The following SPATA22 variants were observed in gnomAD, a reference collection of about 807,000 sequenced individuals.
SPATA22 encodes the protein spermatogenesis associated 22, also known as spermatogenesis-associated protein 22.
SPATA22 carries 29 observed loss-of-function variants against 47.8 expected under a neutral mutation model. That is an observed-to-expected ratio of 0.61 (90% CI 0.45 to 0.83). The LOEUF is 0.83. Ranked by LOEUF, SPATA22 falls within the 40% of genes least tolerant of loss-of-function variation. The probability of loss-of-function intolerance (pLI) is 0.00; values close to 1 mark genes in which losing one functional copy is unlikely to be tolerated. For synonymous variants in SPATA22, 133 were observed against 140.9 expected (o/e 0.94, Z 0.40); for missense variants, 410 against 421.7 (o/e 0.97, Z 0.24).
At chr17:3,459,505 C>T (rs1447913715) in intron 5 of SPATA22, among the ~76,000 whole-genome samples, 1 of 152,112 alleles carries the variant, frequency 6.6e-6, no homozygotes, top group Non-Finnish European at 1.5e-5. Context: ...TCCCAGGTTC[C>T]AATGATTCTA....
At chr17:3,461,009 A>T (rs2171582) in intron 5 of SPATA22, among the ~76,000 whole-genome samples, 1 of 151,804 alleles carries the variant, frequency 6.6e-6, no homozygotes, top group Non-Finnish European at 1.5e-5. Context: ...TTGATAATGT[A>T]TCTAATAACA....
At chr17:3,467,634 C>T in intron 2 of SPATA22, 80 bp from the exon 3 acceptor site, 1 of 1,108,638 alleles carries the variant, frequency 9.0e-7, no homozygotes, top group Non-Finnish European at 1.2e-6. Flanking sequence ...TAGTATAATA[C>T]ACACTTTACA....
chr17:3,506,801 C>G (rs1461428544), intron 1 of SPATA22, among the ~76,000 whole-genome samples: 1 of 152,076 alleles, frequency 6.6e-6, no homozygotes, highest in Admixed American at 6.6e-5. Flanking sequence ...ATTACCTGGG[C>G]TTGGTGGCGG....
upstream of SPATA22, chr17:3,476,102 G>T: frequency 6.6e-7 from 1 of 1,511,916 alleles, no homozygotes; most frequent in Middle Eastern, 1.7e-4. Context: ...TAAGAAAATC[G>T]AATTTCCTTT....
At chr17:3,459,057 G>GCCTACTTACA (rs2073064251) in intron 5 of SPATA22, among the ~76,000 whole-genome samples, 3 of 96,404 alleles carry the variant, frequency 3.1e-5, no homozygotes, top group Non-Finnish European at 4.3e-5. Context: ...GAAAGAATGT[G>GCCTACTTACA]TGGGATCTTT....
chr17:3,489,168 A>G (rs573646986), intron 1 of SPATA22: 9 of 972,726 alleles, frequency 9.3e-6, no homozygotes, highest in Admixed American at 5.7e-5. Flanking sequence ...TGATACATTA[A>G]AATGCTTAGT....
At chr17:3,504,201 G>A (rs778697617) in intron 1 of SPATA22, among the ~76,000 whole-genome samples, 7 of 151,998 alleles carry the variant, frequency 4.6e-5, no homozygotes, top group Non-Finnish European at 1.0e-4. Context: ...CATGGTCTTC[G>A]TCGACCTGAC....
chr17:3,500,253 A>G (rs915889933), intron 1 of SPATA22: 12 of 152,398 alleles, frequency 7.9e-5, no homozygotes, highest in African/African-American at 2.4e-4. Flanking sequence ...AAGCTGTAGC[A>G]AGTTATCCAG....
chr17:3,464,348 C>T (rs1218753706), intron 3 of SPATA22, among the ~76,000 whole-genome samples: 7 of 151,304 alleles, frequency 4.6e-5, no homozygotes, highest in African/African-American at 7.3e-5. Flanking sequence ...ACCTCCCAGC[C>T]GCCTGCCTTG....
At chr17:3,495,501 T>C (rs2073893736) in intron 1 of SPATA22, among the ~76,000 whole-genome samples, 1 of 152,242 alleles carries the variant, frequency 6.6e-6, no homozygotes, top group African/African-American at 2.4e-5. Context: ...GCTTTGTGGC[T>C]TAATGGGACC....
rs752336086 is a variant in SPATA22 at position 3,498,965 on chromosome 17, C to T, written c.-74+14447G>A. The stretch of plus-strand genomic sequence containing the variant: ...TTGATGGGAAGACGATCCCACTGGG[C>T]GGAGACTGTACCGTGTACCCCGTGT... On this transcript the variant is annotated intron_variant, in intron 1 of 8. Coordinates refer to the SPATA22 transcript ENST00000541913. 5.0e-5 allele frequency: 80 copies of T among 1,613,832 alleles called. No individual in the cohort carries two copies. The highest frequency in any genetic ancestry group is 8.9e-5 in the East Asian group (4 of 44,900).
chr17:3,478,094 A>G (rs2073562172), intron 1 of SPATA22, among the ~76,000 whole-genome samples: 1 of 152,126 alleles, frequency 6.6e-6, no homozygotes. Flanking sequence ...CTGAGGCAGG[A>G]GAATGGCGTG....
chr17:3,489,585 C>G (rs183133374), intron 1 of SPATA22, among the ~76,000 whole-genome samples: 47 of 152,220 alleles, frequency 3.1e-4, no homozygotes, highest in African/African-American at 1.1e-3. Context: ...CGAGAAAATA[C>G]AAATGCCCAG....
intron 1 of SPATA22, chr17:3,471,368 A>AT (rs2073430621): frequency 2.1e-6 from 2 of 950,954 alleles, no homozygotes; most frequent in Non-Finnish European, 2.5e-6. Flanking sequence ...CAACAACAAA[A>AT]TTTTTAAGTG....
chr17:3,464,855 T>C (rs2150727935), intron 3 of SPATA22, among the ~76,000 whole-genome samples: 1 of 115,494 alleles, frequency 8.7e-6, no homozygotes, highest in Admixed American at 8.5e-5. Context: ...GAGGAGCGTC[T>C]CCGCCCGGCA....
chr17:3,494,611 C>A, intron 1 of SPATA22: 1 of 690,488 alleles, frequency 1.4e-6, no homozygotes, highest in Admixed American at 2.2e-5. Context: ...CGGACTGTCG[C>A]TCAATAAATA....
intron 1 of SPATA22, chr17:3,481,540 A>T: frequency 6.8e-7 from 1 of 1,463,914 alleles, no homozygotes; most frequent in African/African-American, 1.4e-5. Context: ...CTGTGTTCTT[A>T]TTATATGTTT....
At position 3,481,530 on chromosome 17, in the gene SPATA22, C is replaced by T. The variant is rs2073626420; in HGVS notation, c.-73-12132G>A. The T allele has an allele frequency of 4.3e-6, 6 of 1,408,682 alleles. No individual in the cohort carries two copies. In the East Asian group the frequency reaches 7.2e-5, roughly 17 times the overall value. The allele number at this position is 1,408,682 out of a possible 1,614,324, so 87.3% of individuals were successfully genotyped here. On this transcript the variant is annotated intron_variant, in intron 1 of 8. Coordinates refer to the SPATA22 transcript ENST00000541913. The stretch of plus-strand genomic sequence containing the variant: ...GATTTGGCGACTGGTTCTTTTTACA[C>T]TGTGTTCTTATTATATGTTTATATT...
chr17:3,478,074 A>G (rs1048083927), intron 1 of SPATA22, among the ~76,000 whole-genome samples: 2 of 151,630 alleles, frequency 1.3e-5, no homozygotes, highest in Admixed American at 6.6e-5. Flanking sequence ...AGTCCCAGCT[A>G]TTCGGGAGAC....
Sources: gnomAD v4.1 joint callset for allele counts (sites outside exome capture counted in the v4.1 genomes callset) on GRCh38, gnomAD v4.1.1 for gene constraint, MANE v1.5 for transcripts, NCBI Gene and HGNC (gene_info 2026-07-23, HGNC 2026-07-21) for gene names.